The following SLC22A23 variants were observed in gnomAD, a reference collection of about 807,000 sequenced individuals.
SLC22A23 encodes the protein ion transporter protein.
A neutral mutation model predicts 61.0 loss-of-function variants in SLC22A23; 26 were observed. The ratio of observed to expected loss-of-function variants is 0.43; its 90% confidence interval spans 0.31 to 0.59. The LOEUF (loss-of-function observed/expected upper bound fraction) is 0.59. SLC22A23 is among the 20% of genes least tolerant of loss of function. The probability of loss-of-function intolerance (pLI) is 0.11; values close to 1 mark genes in which losing one functional copy is unlikely to be tolerated. For synonymous variants in SLC22A23, 430 were observed against 413.9 expected (o/e 1.04, Z -0.47); for missense variants, 796 against 934.7 (o/e 0.85, Z 1.94).
chr6:3,355,196 A>C (rs1465281780), intron 3 of SLC22A23, among the ~76,000 whole-genome samples: 2 of 151,976 alleles, frequency 1.3e-5, no homozygotes, highest in Admixed American at 1.3e-4. Context: ...AAAAAAAAAA[A>C]AGTCTCCCTC....
intron 3 of SLC22A23, among the ~76,000 whole-genome samples, chr6:3,379,436 G>C (rs1369861506): frequency 1.3e-5 from 2 of 152,098 alleles, no homozygotes; most frequent in African/African-American, 4.8e-5. Flanking sequence ...TCCTGCTATG[G>C]AACGCTGTCA....
At position 3,456,359 on chromosome 6, in the gene SLC22A23, G is replaced by A; in HGVS notation, c.201C>T (p.Cys67=). 1.9e-6 allele frequency: 3 copies of A among 1,546,210 alleles called. No individual in the cohort carries two copies. The highest frequency in any genetic ancestry group is 2.6e-6 in the Non-Finnish European group (3 of 1,145,014). ...AGAGGCTCGGGGCCGCAGCCGCGGAGCAGCAGCTCGGGTGCGGGCCGCCTC... is the reference window on the plus strand; with the variant it reads ...AGAGGCTCGGGGCCGCAGCCGCGGAACAGCAGCTCGGGTGCGGGCCGCCTC... ...HPGGGPHPSC[C]SAAAAPSLLL... Residue 67 remains cysteine (C), a synonymous_variant, in exon 1 of 10, where the codon TGC becomes TGT. Coordinates refer to ENST00000406686, the MANE Select transcript of SLC22A23 (RefSeq NM_015482.2). This position sits in a 1 kb window ranked among gnomAD's most constrained non-coding sequence, Gnocchi z 7.1.
At chr6:3,407,922 G>A (rs755417096) in intron 3 of SLC22A23, among the ~76,000 whole-genome samples, 6 of 152,244 alleles carry the variant, frequency 3.9e-5, no homozygotes, top group Non-Finnish European at 8.8e-5. Context: ...AACTAGGAGA[G>A]AGGTCAGAAT....
At chr6:3,402,576 G>A (rs910904591) in intron 3 of SLC22A23, among the ~76,000 whole-genome samples, 1 of 151,186 alleles carries the variant, frequency 6.6e-6, no homozygotes, top group Non-Finnish European at 1.5e-5. Flanking sequence ...ACTACCCAGA[G>A]TGCACTAGGC....
intron 1 of SLC22A23, among the ~76,000 whole-genome samples, chr6:3,428,575 G>A (rs1035981288): frequency 6.6e-6 from 1 of 152,216 alleles, no homozygotes; most frequent in African/African-American, 2.4e-5. Context: ...GAGCGGGCTT[G>A]ACAAAGCTTG....
chr6:3,436,692 C>G (rs1771237674), intron 1 of SLC22A23, among the ~76,000 whole-genome samples: 1 of 152,204 alleles, frequency 6.6e-6, no homozygotes, highest in East Asian at 1.9e-4. Flanking sequence ...CTGGGACCAC[C>G]TGTTCTCCAA....
chr6:3,405,447 A>G (rs937064631), intron 3 of SLC22A23, among the ~76,000 whole-genome samples: 6 of 152,054 alleles, frequency 3.9e-5, no homozygotes, highest in Non-Finnish European at 7.4e-5. Flanking sequence ...CAAAGAGACG[A>G]CCGAGCACGT....
rs1453876679 is a variant in SLC22A23 at position 3,304,223 on chromosome 6, G to C, written c.1083-6005C>G. On this transcript the variant is annotated intron_variant, in intron 4 of 9. Coordinates refer to ENST00000406686, the MANE Select transcript of SLC22A23 (RefSeq NM_015482.2). This position sits in a 1 kb window ranked among gnomAD's most constrained non-coding sequence, Gnocchi z 4.3. Reference sequence around the variant, plus strand: ...GTGTGTGCAGCCCAGTGGTGCAAGGGCAGACAGGGCTCTGAGACTCTGCCT... The same window carrying C: ...GTGTGTGCAGCCCAGTGGTGCAAGGCCAGACAGGGCTCTGAGACTCTGCCT... Among the ~76,000 whole-genome samples the C allele has an allele frequency of 1.3e-5, 2 of 152,176 alleles. No homozygotes were observed. Among genetic ancestry groups the C allele is most frequent in the Admixed American group, 6.5e-5 (1 of 15,284 alleles).
chr6:3,453,819 T>C (rs951544397), intron 1 of SLC22A23, among the ~76,000 whole-genome samples: 1 of 152,190 alleles, frequency 6.6e-6, no homozygotes, highest in Admixed American at 6.5e-5. Context: ...CTCCTTCCAC[T>C]TTCTGCTTCT....
At chr6:3,300,997 T>TA (rs397829731) in intron 4 of SLC22A23, among the ~76,000 whole-genome samples, 1 of 151,912 alleles carries the variant, frequency 6.6e-6, no homozygotes, top group Non-Finnish European at 1.5e-5. Flanking sequence ...TGATTTTTTT[T>TA]AAATACTCAA....
chr6:3,436,469 G>A (rs1771218905), intron 1 of SLC22A23, among the ~76,000 whole-genome samples: 1 of 152,124 alleles, frequency 6.6e-6, no homozygotes, highest in African/African-American at 2.4e-5. Context: ...GTTTGATGCA[G>A]GGTTTTCTGC....
At chr6:3,385,185 G>C (rs1423166437) in intron 3 of SLC22A23, among the ~76,000 whole-genome samples, 4 of 152,158 alleles carry the variant, frequency 2.6e-5, no homozygotes, top group Non-Finnish European at 5.9e-5. Flanking sequence ...CCTAGAGGGT[G>C]AATGAACTTA....
intron 1 of SLC22A23, among the ~76,000 whole-genome samples, chr6:3,449,081 C>T (rs1265777629): frequency 5.9e-5 from 9 of 152,224 alleles, no homozygotes; most frequent in Admixed American, 4.6e-4. Context: ...ATGTTTAGGA[C>T]GTTGTTACAA....
In SLC22A23 at chr6:3,410,045, A is replaced by T; in HGVS notation, c.913+143T>A. ...GCATCACCTGAAAAGCCTCTTTCAC[A>T]ACACTTGAGGCCTTTAATGTTTGTG... On this transcript the variant is annotated intron_variant, in intron 3 of 9. Coordinates refer to ENST00000406686, the MANE Select transcript of SLC22A23 (RefSeq NM_015482.2). The surrounding 1 kb of genome is among the most constrained non-coding windows in gnomAD (Gnocchi z 5.0). 1 of 905,154 alleles carries T rather than the reference A, an allele frequency of 1.1e-6. No individual in the cohort carries two copies. Among genetic ancestry groups the T allele is most frequent in the Non-Finnish European group, 1.6e-6 (1 of 616,136 alleles). The allele number at this position is 905,154 out of a possible 1,614,324, so 56.1% of individuals were successfully genotyped here.
chr6:3,408,850 G>A (rs1692604519), intron 3 of SLC22A23, among the ~76,000 whole-genome samples: 1 of 152,198 alleles, frequency 6.6e-6, no homozygotes, highest in Admixed American at 6.5e-5. Context: ...CTGTGAGAAT[G>A]GAAGCCTGAC....
chr6:3,364,648 G>A (rs1360022), intron 3 of SLC22A23, among the ~76,000 whole-genome samples: 106,819 of 152,066 alleles, frequency 0.7, 37,747 homozygotes, highest in East Asian at 0.84. Flanking sequence ...GGTCTCACGC[G>A]TGCAGGGCAC....
At position 3,281,656 on chromosome 6, in the gene SLC22A23, G is replaced by A. The variant is rs919428685; in HGVS notation, c.1703+2196C>T. Reference sequence around the variant, plus strand: ...TATCTTGGAATTTTCTCTGTGAAGTGGGGGGATGGTAGGGGAGTCTACTTC... The same window carrying A: ...TATCTTGGAATTTTCTCTGTGAAGTAGGGGGATGGTAGGGGAGTCTACTTC... On this transcript the variant is annotated intron_variant, in intron 9 of 9. Transcript: ENST00000406686. Among the ~76,000 whole-genome samples, 4 of 152,170 alleles carry A rather than the reference G, an allele frequency of 2.6e-5. No individual in the cohort carries two copies. In the East Asian group the frequency reaches 7.7e-4, roughly 29 times the overall value.
At position 3,315,583 on chromosome 6, in the gene SLC22A23, C is replaced by T. The variant is rs79724067; in HGVS notation, c.1082+8251G>A. ...ATTTCATGTAAGAAAAGTGTGTGTTCGGCTGGGCATGGTGGCTCACACATA... is the reference window on the plus strand; with the variant it reads ...ATTTCATGTAAGAAAAGTGTGTGTTTGGCTGGGCATGGTGGCTCACACATA... On this transcript the variant is annotated intron_variant, in intron 4 of 9. Transcript: ENST00000406686. Among the ~76,000 whole-genome samples the T allele has an allele frequency of 5.5e-3, 830 of 152,206 alleles. 4 individuals are homozygous for T. The highest frequency in any genetic ancestry group is 7.6e-3 in the Non-Finnish European group (515 of 68,012).
At chr6:3,367,581 C>T (rs139735598) in intron 3 of SLC22A23, among the ~76,000 whole-genome samples, 1 of 152,290 alleles carries the variant, frequency 6.6e-6, no homozygotes, top group African/African-American at 2.4e-5. Flanking sequence ...TATGACTTTA[C>T]AGTCCGGAGA....
Sources: gnomAD v4.1 joint callset for allele counts (sites outside exome capture counted in the v4.1 genomes callset) on GRCh38, gnomAD v4.1.1 for gene constraint, Gnocchi (gnomAD v3.1) non-coding constraint, MANE v1.5 for transcripts, NCBI Gene and HGNC (gene_info 2026-07-23, HGNC 2026-07-21) for gene names.